ENOX1: variants seen among roughly 807,000 people sequenced by gnomAD.
The protein encoded by ENOX1 is candidate growth-related and time keeping constitutive hydroquinone (NADH) oxidase.
In ENOX1, 42 loss-of-function variants were observed where a neutral mutation model predicts 82.5. The observed-to-expected ratio is 0.51, with a 90% CI of 0.40 to 0.66. The LOEUF is 0.66. Among genes scored for constraint, ENOX1 ranks in the 30% least tolerant of loss-of-function variants. The pLI is 0.00. For synonymous variants in ENOX1, 271 were observed against 282.2 expected (o/e 0.96, Z 0.40); for missense variants, 608 against 811.6 (o/e 0.75, Z 3.05).
intron 11 of ENOX1, among the ~76,000 whole-genome samples, chr13:43,301,836 A>C (rs2046595318): frequency 6.6e-6 from 1 of 152,166 alleles, no homozygotes; most frequent in Non-Finnish European, 1.5e-5. Flanking sequence ...TTCCTCAGAC[A>C]AGGCTGCCTG....
intron 5 of ENOX1, among the ~76,000 whole-genome samples, chr13:43,375,119 G>A (rs1054359110): frequency 2.0e-5 from 3 of 152,094 alleles, no homozygotes; most frequent in African/African-American, 7.2e-5. Flanking sequence ...TCCTATTTTG[G>A]TGGCTTCTGA....
At chr13:43,254,797 A>G (rs980975434) in intron 14 of ENOX1, among the ~76,000 whole-genome samples, 2 of 152,224 alleles carry the variant, frequency 1.3e-5, no homozygotes, top group Non-Finnish European at 2.9e-5. Flanking sequence ...AGAAATGCAT[A>G]CATTCCTGGA....
At chr13:43,583,147 C>A (rs931256204) in intron 2 of ENOX1, among the ~76,000 whole-genome samples, 2 of 152,066 alleles carry the variant, frequency 1.3e-5, no homozygotes, top group African/African-American at 4.8e-5. Context: ...TTTCCAAGTT[C>A]TTTTTACAAA....
chr13:43,675,469 T>C (rs2085464770), intron 1 of ENOX1, among the ~76,000 whole-genome samples: 1 of 152,168 alleles, frequency 6.6e-6, no homozygotes, highest in Non-Finnish European at 1.5e-5. Context: ...ATCTCTGCCT[T>C]AGCATGAATA....
intron 5 of ENOX1, among the ~76,000 whole-genome samples, chr13:43,408,559 G>A (rs1475523444): frequency 6.6e-6 from 1 of 152,148 alleles, no homozygotes; most frequent in South Asian, 2.1e-4. Flanking sequence ...CACAGTTGAA[G>A]AACTCCAGAG....
chr13:43,659,971 C>T (rs948720567), intron 2 of ENOX1, among the ~76,000 whole-genome samples: 12 of 152,160 alleles, frequency 7.9e-5, no homozygotes, highest in Non-Finnish European at 1.3e-4. Flanking sequence ...TCTGTTTTAC[C>T]AACTCTATAG....
chr13:43,351,438 T>C (rs1378577192), intron 8 of ENOX1, among the ~76,000 whole-genome samples: 4 of 150,238 alleles, frequency 2.7e-5, no homozygotes, highest in African/African-American at 9.8e-5. Context: ...ATTTATTTTT[T>C]ATTATACTTT....
chr13:43,599,755 T>C (rs1258886564), intron 2 of ENOX1, among the ~76,000 whole-genome samples: 1 of 150,988 alleles, frequency 6.6e-6, no homozygotes, highest in East Asian at 2.0e-4. Context: ...CTCACAGCTC[T>C]GGGAAAGACT....
intron 12 of ENOX1, 121 bp from the exon 13 acceptor site, chr13:43,269,698 G>C: frequency 1.4e-6 from 1 of 717,012 alleles, no homozygotes; most frequent in Non-Finnish European, 2.4e-6. Context: ...GCTTAATTCA[G>C]ACCTCAGTTG....
intron 16 of ENOX1, among the ~76,000 whole-genome samples, chr13:43,216,087 T>G (rs1446526430): frequency 2.6e-5 from 4 of 152,052 alleles, no homozygotes; most frequent in Non-Finnish European, 1.5e-5. Context: ...TCCCAGCTAC[T>G]CAGGAGGCCA....
chr13:43,459,857 G>A (rs1400538749), intron 3 of ENOX1, among the ~76,000 whole-genome samples: 1 of 152,130 alleles, frequency 6.6e-6, no homozygotes, highest in Non-Finnish European at 1.5e-5. Context: ...AGCTGGGTGT[G>A]GTGGCACGCG....
At position 43,329,415 on chromosome 13, in the gene ENOX1, G is replaced by A. The variant is rs542657119; in HGVS notation, c.1037-2890C>T. The stretch of plus-strand genomic sequence containing the variant: ...GAAGAGGGGTGCGAGGTACCACGAT[G>A]ACTGGAGCTGGTAAGTACATCCCAA... On this transcript the variant is annotated intron_variant, in intron 9 of 16. Coordinates refer to ENST00000690772, the MANE Select transcript of ENOX1 (RefSeq NM_001347969.2). Among the ~76,000 whole-genome samples the A allele has an allele frequency of 5.7e-4, 87 of 152,300 alleles. 1 individual carries two copies. The highest frequency in any genetic ancestry group is 1.9e-3 in the African/African-American group (79 of 41,572).
At chr13:43,340,389 G>A (rs948499628) in intron 9 of ENOX1, among the ~76,000 whole-genome samples, 2 of 152,194 alleles carry the variant, frequency 1.3e-5, no homozygotes, top group Admixed American at 6.5e-5. Flanking sequence ...CCATTGCTGG[G>A]ATGTGTACAC....
chr13:43,325,979 G>C (rs1374475991), intron 10 of ENOX1, among the ~76,000 whole-genome samples: 1 of 152,066 alleles, frequency 6.6e-6, no homozygotes, highest in African/African-American at 2.4e-5. Context: ...GGCTAGCATA[G>C]GGACTAAGAT....
intron 2 of ENOX1, among the ~76,000 whole-genome samples, chr13:43,575,115 G>A (rs747154150): frequency 6.6e-6 from 1 of 152,236 alleles, no homozygotes; most frequent in Non-Finnish European, 1.5e-5. Flanking sequence ...AAAGGTACAA[G>A]TGTCCAGCAT....
chr13:43,747,222 C>T (rs1032144151), intron 1 of ENOX1, among the ~76,000 whole-genome samples: 1 of 152,086 alleles, frequency 6.6e-6, no homozygotes, highest in Non-Finnish European at 1.5e-5. Flanking sequence ...GAGCTCCATG[C>T]CTGGGACATA....
At chr13:43,253,242 A>G (rs1382730888) in intron 14 of ENOX1, among the ~76,000 whole-genome samples, 2 of 152,138 alleles carry the variant, frequency 1.3e-5, no homozygotes, top group Non-Finnish European at 2.9e-5. Flanking sequence ...GGGCACCACG[A>G]CACTTAGGCA....
chr13:43,253,352 A>T (rs978308624), intron 14 of ENOX1, among the ~76,000 whole-genome samples: 19 of 152,184 alleles, frequency 1.2e-4, no homozygotes, highest in African/African-American at 4.6e-4. Context: ...TATTTCCTCA[A>T]AGAAATGCCA....
At chr13:43,444,976 T>G (rs995298066) in intron 3 of ENOX1, among the ~76,000 whole-genome samples, 5 of 152,202 alleles carry the variant, frequency 3.3e-5, no homozygotes, top group Non-Finnish European at 7.3e-5. Flanking sequence ...ACTGACCCAC[T>G]ATGTGAACTC....
Sources: gnomAD v4.1 joint callset for allele counts (sites outside exome capture counted in the v4.1 genomes callset) on GRCh38, gnomAD v4.1.1 for gene constraint, MANE v1.5 for transcripts, NCBI Gene and HGNC (gene_info 2026-07-23, HGNC 2026-07-21) for gene names.